The following NCR1 variants were observed in gnomAD, a reference collection of about 807,000 sequenced individuals.
The protein encoded by NCR1 is natural cytotoxicity triggering receptor 1, also known as NK cell-activating receptor.
Under a neutral mutation model 32.5 loss-of-function variants are expected in NCR1, and 30 were observed. The ratio of observed to expected loss-of-function variants is 0.92; its 90% CI spans 0.69 to 1.25. The LOEUF is 1.25. Ranked by LOEUF, NCR1 falls within the 50% of genes most tolerant of loss-of-function variation. The pLI is 0.00. For synonymous variants in NCR1, 169 were observed against 143.4 expected, an observed-to-expected ratio of 1.18 and a Z score of -1.28; for missense variants, 369 against 380.7, an observed-to-expected ratio of 0.97 and a Z score of 0.26.
At chr19:54,911,757 C>T (rs2067988138) in intron 5 of NCR1, among the ~76,000 whole-genome samples, 2 of 150,096 alleles carry the variant, frequency 1.3e-5, no homozygotes, top group South Asian at 4.2e-4. Context: ...TTTGGGAGGC[C>T]GAAGCAGGCA....
the NCR1 span, among the ~76,000 whole-genome samples, chr19:54,934,249 G>A: frequency 6.6e-6 from 1 of 152,002 alleles, no homozygotes; most frequent in Non-Finnish European, 1.5e-5. The surrounding 1 kb of genome is among the most constrained non-coding windows in gnomAD (Gnocchi z 6.7). Flanking sequence ...CCTGTTTTTG[G>A]TATTTTTAAT....
the NCR1 span, among the ~76,000 whole-genome samples, chr19:54,936,029 G>A: frequency 6.6e-6 from 1 of 152,162 alleles, no homozygotes; most frequent in Non-Finnish European, 1.5e-5. Flanking sequence ...CCTAAAGCTG[G>A]AACCCAGCAC....
At chr19:54,902,921 A>C (rs1303951700), upstream of NCR1, among the ~76,000 whole-genome samples, 1 of 151,704 alleles carries the variant, frequency 6.6e-6, no homozygotes, top group African/African-American at 2.4e-5. Context: ...CTTGAGGTCA[A>C]GAGTTCGAGA....
At chr19:54,911,567 C>T (rs1026386568) in intron 5 of NCR1, among the ~76,000 whole-genome samples, 1 of 152,190 alleles carries the variant, frequency 6.6e-6, no homozygotes. Flanking sequence ...GCCTGGCCAA[C>T]ACAGTGAAAC....
At chr19:54,923,583 G>A in the NCR1 span, 17 of 835,216 alleles carry the variant, frequency 2.0e-5, no homozygotes, top group East Asian at 1.9e-4. Flanking sequence ...TGCGTGACTC[G>A]TGCAGAATCT....
At chr19:54,936,541 G>T in the NCR1 span, 1 of 976,886 alleles carries the variant, frequency 1.0e-6, no homozygotes, top group Non-Finnish European at 1.6e-6. Context: ...GAAGTTCTTG[G>T]CCGGGTGCAG....
At chr19:54,922,174 T>A in the NCR1 span, among the ~76,000 whole-genome samples, 1 of 152,134 alleles carries the variant, frequency 6.6e-6, no homozygotes, top group African/African-American at 2.4e-5. Flanking sequence ...ATTACAGGTG[T>A]GAGCCACAGC....
rs574846385 is a variant in NCR1 at position 54,912,370 on chromosome 19, G to A, written c.733+152G>A. On this transcript the variant is annotated intron_variant, in intron 6 of 6. Transcript: ENST00000291890. ...TCAGCCCTTTGGGAGGCCGAGGCGGGCAGATCATCTGAGGTCGGGAGTTCA... is the reference window on the plus strand; with the variant it reads ...TCAGCCCTTTGGGAGGCCGAGGCGGACAGATCATCTGAGGTCGGGAGTTCA... The A allele has an allele frequency of 6.5e-6, 5 of 767,834 alleles. No homozygotes were observed. In the Admixed American group the frequency reaches 1.2e-4, roughly 18 times the overall value. The allele number at this position is 767,834 out of a possible 1,614,324, so 47.6% of individuals were successfully genotyped here.
At chr19:54,911,880 G>C (rs587608563) in intron 5 of NCR1, among the ~76,000 whole-genome samples, 1 of 151,498 alleles carries the variant, frequency 6.6e-6, no homozygotes, top group Non-Finnish European at 1.5e-5. Flanking sequence ...TGTAGTCCCA[G>C]CTACTCCAGA....
chr19:54,907,981 C>CTT (rs888032756), intron 3 of NCR1, among the ~76,000 whole-genome samples: 1 of 146,106 alleles, frequency 6.8e-6, no homozygotes, highest in African/African-American at 2.5e-5. Context: ...CTCATTTATT[C>CTT]TTTTTTTTTT....
chr19:54,934,638 G>C, the NCR1 span: 2 of 1,613,746 alleles, frequency 1.2e-6, no homozygotes, highest in Non-Finnish European at 1.7e-6. The surrounding 1 kb of genome is among the most constrained non-coding windows in gnomAD (Gnocchi z 6.7). Context: ...ACTGCTCCGG[G>C]GTGGCACAGT....
downstream of NCR1, among the ~76,000 whole-genome samples, chr19:54,917,148 C>T (rs139797535): frequency 3.6e-3 from 545 of 151,826 alleles, 3 homozygotes; most frequent in African/African-American, 0.012. Context: ...CGTTTTCTGA[C>T]GGTTACAGTA....
At chr19:54,918,289 C>A (rs1450460256), downstream of NCR1, among the ~76,000 whole-genome samples, 1 of 150,836 alleles carries the variant, frequency 6.6e-6, no homozygotes, top group African/African-American at 2.4e-5. Context: ...ATTTAGAGAC[C>A]AAGTCTCGCT....
At chr19:54,936,141 T>C in the NCR1 span, 2 of 863,058 alleles carry the variant, frequency 2.3e-6, no homozygotes, top group Admixed American at 2.0e-5. Flanking sequence ...CAGGCCTGTT[T>C]GAGGAATACA....
the NCR1 span, chr19:54,923,576 G>T: frequency 1.3e-6 from 1 of 786,848 alleles, no homozygotes; most frequent in Non-Finnish European, 2.2e-6. Context: ...AAGGGGGTGC[G>T]TGACTCGTGC....
At chr19:54,937,111 G>C in the NCR1 span, among the ~76,000 whole-genome samples, 1 of 151,550 alleles carries the variant, frequency 6.6e-6, no homozygotes, top group African/African-American at 2.4e-5. Flanking sequence ...CCAGCTACTC[G>C]GGAGGCTGAG....
the NCR1 span, among the ~76,000 whole-genome samples, chr19:54,935,686 G>A: frequency 1.1e-4 from 15 of 131,078 alleles, no homozygotes; most frequent in Non-Finnish European, 2.0e-4. Flanking sequence ...GAATAAAACT[G>A]TCTCAAAGAA....
At chr19:54,933,304 C>T in the NCR1 span, among the ~76,000 whole-genome samples, 2 of 152,090 alleles carry the variant, frequency 1.3e-5, no homozygotes, top group African/African-American at 4.8e-5. Context: ...CGCCACCACA[C>T]CTGGCTAATT....
chr19:54,901,544 C>G (rs1372707883), upstream of NCR1, among the ~76,000 whole-genome samples: 1 of 151,880 alleles, frequency 6.6e-6, no homozygotes, highest in Admixed American at 6.6e-5. Flanking sequence ...TGGCTCACAC[C>G]TGTAATCCCA....
Sources: allele counts gnomAD v4.1 joint callset (sites outside exome capture counted in the v4.1 genomes callset), GRCh38; gene constraint gnomAD v4.1.1; non-coding constraint Gnocchi (gnomAD v3.1); transcripts MANE v1.5; gene names NCBI Gene and HGNC (gene_info 2026-07-23, HGNC 2026-07-21).